The following SHLD1 variants were observed in gnomAD, a reference collection of about 807,000 sequenced individuals.
SHLD1 encodes the protein RINN1-REV7-interacting novel NHEJ regulator 3.
Under a neutral mutation model 5.5 loss-of-function variants are expected in SHLD1, and 3 were observed. The observed-to-expected ratio is 0.54, with a 90% CI of 0.25 to 1.40. The LOEUF is 1.40. SHLD1 is among the 40% of genes most tolerant of loss of function. SHLD1 has a pLI of 0.15. For missense variants in SHLD1, 210 were observed against 244.4 expected (o/e 0.86, Z 0.94); for synonymous variants, 92 against 94.3 (o/e 0.98, Z 0.14).
At chr20:5,795,601 CAAAAAAAAAAAA>C (rs56723415) in intron 2 of SHLD1, among the ~76,000 whole-genome samples, 1 of 67,088 alleles carries the variant, frequency 1.5e-5, no homozygotes, top group East Asian at 3.9e-4. Context: ...TCTGGTCTCG[CAAAAAAAAAAAA>C]AAAAAAAAAA....
intron 1 of SHLD1, among the ~76,000 whole-genome samples, chr20:5,770,722 C>T (rs1214856242): frequency 6.6e-6 from 1 of 152,154 alleles, no homozygotes; most frequent in Admixed American, 6.6e-5. Flanking sequence ...ACATTATTTC[C>T]AGTTTAGGGT....
intron 2 of SHLD1, among the ~76,000 whole-genome samples, chr20:5,786,603 A>C (rs1316007799): frequency 6.6e-6 from 1 of 151,814 alleles, no homozygotes; most frequent in Non-Finnish European, 1.5e-5. Flanking sequence ...AAGAAAAGAA[A>C]AATTATCTGA....
chr20:5,776,116 CG>C (rs1001021342), intron 2 of SHLD1, among the ~76,000 whole-genome samples: 1 of 151,604 alleles, frequency 6.6e-6, no homozygotes, highest in African/African-American at 2.4e-5. Flanking sequence ...TTAGTAGAGA[CG>C]GGGTTCACCA....
intron 2 of SHLD1, among the ~76,000 whole-genome samples, chr20:5,847,365 T>A (rs2087944522): frequency 6.6e-6 from 1 of 152,186 alleles, no homozygotes; most frequent in Non-Finnish European, 1.5e-5. Flanking sequence ...GATAAGCCGA[T>A]GCCGTGAGGG....
chr20:5,758,509 C>A (rs192367325), intron 1 of SHLD1, among the ~76,000 whole-genome samples: 2,377 of 151,848 alleles, frequency 0.016, 64 homozygotes, highest in African/African-American at 0.055. Flanking sequence ...ACCTCCACCC[C>A]CTGAGTTCAA....
chr20:5,751,786 G>A (rs1983764364), intron 1 of SHLD1, among the ~76,000 whole-genome samples: 1 of 150,486 alleles, frequency 6.6e-6, no homozygotes. Context: ...TCCCGAGGCA[G>A]TTGGGTTATA....
At chr20:5,751,158 C>T (rs771301134) in intron 1 of SHLD1, among the ~76,000 whole-genome samples, 30 of 152,204 alleles carry the variant, frequency 2.0e-4, no homozygotes, top group Non-Finnish European at 3.8e-4. Context: ...CACTCCGCCT[C>T]AAGTCCTAGA....
intron 2 of SHLD1, among the ~76,000 whole-genome samples, chr20:5,854,505 CT>C (rs372435901): frequency 1.3e-5 from 2 of 152,226 alleles, no homozygotes; most frequent in East Asian, 3.9e-4. Context: ...CCTTAAGTTA[CT>C]AAGGCTTCTA....
intron 2 of SHLD1, among the ~76,000 whole-genome samples, chr20:5,837,004 A>G (rs2087796917): frequency 6.6e-6 from 1 of 152,194 alleles, no homozygotes; most frequent in Non-Finnish European, 1.5e-5. Context: ...GGCATCCTAG[A>G]AATCATACAA....
In SHLD1 at chr20:5,797,538, G is replaced by T. The variant is rs1338219285; in HGVS notation, c.178+24495G>T. Among the ~76,000 whole-genome samples, 5 of 150,114 alleles carry T rather than the reference G, an allele frequency of 3.3e-5. 1 individual carries two copies. The highest frequency in any genetic ancestry group is 1.2e-4 in the African/African-American group (5 of 40,830). ...TGAACATACCACTGCACTCCAGTCT[G>T]AGTGACAGAGCTAGACTCCATCTCA... On this transcript the variant is annotated intron_variant, in intron 2 of 2. Transcript: ENST00000303142.
chr20:5,850,065 G>A (rs139715353), intron 2 of SHLD1, among the ~76,000 whole-genome samples: 53 of 148,478 alleles, frequency 3.6e-4, no homozygotes, highest in African/African-American at 1.3e-3. Context: ...GATCACCTGA[G>A]CCCAGGAATT....
At chr20:5,751,065 A>G (rs6116933) in intron 1 of SHLD1, among the ~76,000 whole-genome samples, 36,381 of 152,086 alleles carry the variant, frequency 0.24, 5,542 homozygotes, top group African/African-American at 0.43. Context: ...TGCATCTATT[A>G]CTGTGATCTC....
chr20:5,836,617 A>G (rs1242573065), intron 2 of SHLD1, among the ~76,000 whole-genome samples: 1 of 152,044 alleles, frequency 6.6e-6, no homozygotes, highest in South Asian at 2.1e-4. Flanking sequence ...CCTTGCATTT[A>G]TGTCTCTGAT....
chr20:5,817,159 C>CAA (rs1369488561), intron 2 of SHLD1, among the ~76,000 whole-genome samples: 1 of 152,152 alleles, frequency 6.6e-6, no homozygotes, highest in Non-Finnish European at 1.5e-5. Flanking sequence ...TCATCTTTAT[C>CAA]ATTTCAAGAT....
chr20:5,758,319 A>C, intron 1 of SHLD1, among the ~76,000 whole-genome samples: 1 of 52,316 alleles, frequency 1.9e-5, no homozygotes, highest in African/African-American at 7.9e-5. Context: ...AGGGAAGGGA[A>C]GGGAGGGGAG....
chr20:5,851,822 C>T (rs1045626750), intron 2 of SHLD1, among the ~76,000 whole-genome samples: 1 of 150,210 alleles, frequency 6.7e-6, no homozygotes, highest in Non-Finnish European at 1.5e-5. Flanking sequence ...GGCGGGGGGG[C>T]ATTTTTAAAT....
intron 2 of SHLD1, among the ~76,000 whole-genome samples, chr20:5,819,457 A>G (rs926486060): frequency 2.0e-5 from 3 of 152,322 alleles, no homozygotes; most frequent in Admixed American, 6.5e-5. Context: ...GAAGTACTCA[A>G]TGAATGCTTA....
intron 1 of SHLD1, among the ~76,000 whole-genome samples, chr20:5,754,466 G>C (rs1403759106): frequency 2.0e-5 from 3 of 152,062 alleles, no homozygotes; most frequent in Non-Finnish European, 4.4e-5. Flanking sequence ...TCCAAAAAGA[G>C]GTGGTTATAA....
chr20:5,835,306 C>T (rs534872851), intron 2 of SHLD1, among the ~76,000 whole-genome samples: 16 of 152,206 alleles, frequency 1.1e-4, no homozygotes, highest in Non-Finnish European at 1.5e-4. Flanking sequence ...TAGGGCTATA[C>T]ACTAATTCAT....
Sources: allele counts gnomAD v4.1 joint callset (sites outside exome capture counted in the v4.1 genomes callset), GRCh38; gene constraint gnomAD v4.1.1; transcripts MANE v1.5; gene names NCBI Gene and HGNC (gene_info 2026-07-23, HGNC 2026-07-21).